DISP3: variants seen among roughly 807,000 people sequenced by gnomAD.
DISP3 encodes the protein protein dispatched homolog 3.
Under a neutral mutation model 135.3 loss-of-function variants are expected in DISP3, and 101 were observed. The ratio of observed to expected loss-of-function variants is 0.75; its 90% confidence interval spans 0.64 to 0.88. The LOEUF (loss-of-function observed/expected upper bound fraction) is 0.88, where lower values mean the gene tolerates loss of function less well. Among genes scored for constraint, DISP3 ranks in the 40% least tolerant of loss-of-function variants. The pLI is 0.00. For synonymous variants in DISP3, 856 were observed against 817.0 expected (o/e 1.05, Z -0.81); for missense variants, 1,713 against 1,878.6 (o/e 0.91, Z 1.63).
At chr1:11,493,818 G>T (rs1641255243) in intron 1 of DISP3, among the ~76,000 whole-genome samples, 1 of 152,162 alleles carries the variant, frequency 6.6e-6, no homozygotes, top group Non-Finnish European at 1.5e-5. Flanking sequence ...CCATAGTCCA[G>T]TCAAGTTGAC....
At chr1:11,534,625 A>T in intron 18 of DISP3, 85 bp downstream of exon 18, 1 of 1,483,204 alleles carries the variant, frequency 6.7e-7, no homozygotes, top group East Asian at 2.4e-5. Context: ...GGCCTGAGTC[A>T]CAATCTCCAT....
At position 11,531,368 on chromosome 1, in the gene DISP3, G is replaced by C. The variant is rs1642572792; in HGVS notation, c.3230-197G>C. On this transcript the variant is annotated intron_variant, in intron 16 of 20. Coordinates refer to ENST00000294484, the MANE Select transcript of DISP3 (RefSeq NM_020780.2). The surrounding 1 kb of genome is among the most constrained non-coding windows in gnomAD (Gnocchi z 5.2). ...GCCAATGTGGATGAGGTCACCACCG[G>C]GGTGTCCCTGGGAGGGGCCCACAGG... Among the ~76,000 whole-genome samples the C allele has an allele frequency of 2.0e-5, 3 of 152,146 alleles. No homozygotes were observed. In the South Asian group the frequency reaches 6.2e-4, roughly 31 times the overall value.
rs1434535604 is a variant in DISP3, at chr1:11,520,399, G to A, written c.2201-288G>A. Among the ~76,000 whole-genome samples, 2 of 152,136 alleles carry A rather than the reference G, an allele frequency of 1.3e-5. No homozygotes were observed. The highest frequency in any genetic ancestry group is 2.1e-4 in the South Asian group (1 of 4,830). On this transcript the variant is annotated intron_variant, in intron 9 of 20. Coordinates refer to ENST00000294484, the MANE Select transcript of DISP3 (RefSeq NM_020780.2). This position sits in a 1 kb window ranked among gnomAD's most constrained non-coding sequence, Gnocchi z 4.8. ...GTGAGATCAAGTAGTGCACCAGCTC[G>A]TCATAAACTATGAGGTGCTCTGAGG...
At position 11,524,051 on chromosome 1, in the gene DISP3, G is replaced by A. The variant is rs759475446; in HGVS notation, c.2472G>A (p.Leu824=). The A allele has an allele frequency of 6.2e-7, 1 of 1,606,446 alleles. No homozygotes were observed. The highest frequency in any genetic ancestry group is 1.1e-5 in the South Asian group (1 of 90,862). ...VPWASRPEAT[L]QDFPGTVYIS... is the part of the protein sequence containing the mutation. ...GGGCTAGCCGGCCTGAGGCCACCCT[G>A]CAGGGTGAGCACTGGGGGTGGAGGG... The change falls in exon 11 of 21, where the codon CTG becomes CTA. Residue 824 remains leucine (L), a synonymous_variant. Transcript: ENST00000294484.
rs374195192 is a variant in DISP3, at chr1:11,492,038, C to T, written c.-3-8952C>T. Among the ~76,000 whole-genome samples, 15 of 139,608 alleles carry T rather than the reference C, an allele frequency of 1.1e-4. No individual in the cohort carries two copies. In the East Asian group the frequency reaches 2.1e-3, roughly 19 times the overall value. 91.6% of individuals were successfully genotyped at this position (139,608 alleles called of 152,430 possible). A position where few individuals can be genotyped will look rare whatever the true frequency, so the allele number is the denominator to read the frequency against. On this transcript the variant is annotated intron_variant, in intron 1 of 20. Transcript: ENST00000294484. The stretch of plus-strand genomic sequence containing the variant: ...TTGGGAGGCTGAGGCAGGAGAATGG[C>T]GTGAACCCGGGAGGCGGAGCTTGCA...
chr1:11,535,476 A>T lies in DISP3; in HGVS notation c.3650-2A>T, dbSNP rs775438393. ...GCTGCCCCCCCTGCTGTCTCCTTGCAGGCATCGTGTGCCTGGTGGTGACCA... is the reference window on the plus strand; with the variant it reads ...GCTGCCCCCCCTGCTGTCTCCTTGCTGGCATCGTGTGCCTGGTGGTGACCA... On this transcript the variant is annotated splice_acceptor_variant, in intron 19 of 20. Transcript: ENST00000294484. LOFTEE classifies it high-confidence loss of function. The T allele has an allele frequency of 5.0e-6, 8 of 1,603,100 alleles. No individual in the cohort carries two copies. In the African/African-American group the frequency reaches 1.1e-4, roughly 21 times the overall value.
At chr1:11,496,351 T>A (rs907680237) in intron 1 of DISP3, among the ~76,000 whole-genome samples, 4 of 152,090 alleles carry the variant, frequency 2.6e-5, no homozygotes, top group Admixed American at 6.5e-5. Context: ...TACCTCTGAG[T>A]GTGCCTGTAT....
intron 1 of DISP3, among the ~76,000 whole-genome samples, chr1:11,496,223 T>C (rs1322254081): frequency 6.6e-6 from 1 of 152,138 alleles, no homozygotes; most frequent in Non-Finnish European, 1.5e-5. Flanking sequence ...CCCTAGGGCC[T>C]GTTCTCTTTT....
At position 11,488,001 on chromosome 1, in the gene DISP3, G is replaced by C. The variant is rs541137001; in HGVS notation, c.-4+8629G>C. On this transcript the variant is annotated intron_variant, in intron 1 of 20. Transcript: ENST00000294484. ...CCCGTTATCATGGAATAACTGGTGC[G>C]TGGGGAGGGGCGTTCCCATTAAACT... 2.0e-5 allele frequency among the ~76,000 whole-genome samples: 3 copies of C among 152,314 alleles called. No individual in the cohort carries two copies. In the South Asian group the frequency reaches 6.2e-4, roughly 32 times the overall value.
intron 7 of DISP3, among the ~76,000 whole-genome samples, chr1:11,518,440 G>A (rs1353108605): frequency 6.6e-6 from 1 of 152,218 alleles, no homozygotes; most frequent in Non-Finnish European, 1.5e-5. Flanking sequence ...CCCCGGCGGA[G>A]GCACTGCTCT....
intron 17 of DISP3, among the ~76,000 whole-genome samples, chr1:11,532,250 T>G (rs1306578465): frequency 6.6e-6 from 1 of 152,204 alleles, no homozygotes; most frequent in African/African-American, 2.4e-5. Context: ...CTCTCGGCCC[T>G]GGCACATGGC....
intron 1 of DISP3, among the ~76,000 whole-genome samples, chr1:11,488,103 G>T (rs1206199892): frequency 6.6e-6 from 1 of 152,164 alleles, no homozygotes; most frequent in Admixed American, 6.5e-5. Context: ...AGGTAGCTTC[G>T]CTGGGTCTCT....
rs1640827645 is a variant in DISP3, at chr1:11,479,384, G to C, written c.-4+12G>C. The stretch of plus-strand genomic sequence containing the variant: ...TTCGGCCGGCCGAGGTGAGTGCACG[G>C]CCGCGGGGCGCCATCCGGGCTTGGT... On this transcript the variant is annotated intron_variant, in intron 1 of 20. Transcript: ENST00000294484. The C allele has an allele frequency of 6.5e-6, 1 of 153,016 alleles. No individual in the cohort carries two copies. The highest frequency in any genetic ancestry group is 2.4e-5 in the African/African-American group (1 of 41,450). 9.5% of individuals were successfully genotyped at this position (153,016 alleles called of 1,614,324 possible).
chr1:11,492,520 G>A (rs536179764), intron 1 of DISP3, among the ~76,000 whole-genome samples: 10 of 152,136 alleles, frequency 6.6e-5, no homozygotes, highest in South Asian at 4.1e-4. Context: ...GGGGGGCTTG[G>A]ACAGGCTCGC....
Position 11,516,206 on chromosome 1 carries a change from A to G in DISP3, c.1749+45A>G. 6.3e-7 allele frequency: 1 copy of G among 1,592,014 alleles called. No individual in the cohort carries two copies. The highest frequency in any genetic ancestry group is 8.6e-7 in the Non-Finnish European group (1 of 1,165,940). On this transcript the variant is annotated intron_variant, in intron 6 of 20. Transcript: ENST00000294484. The surrounding 1 kb of genome is among the most constrained non-coding windows in gnomAD (Gnocchi z 5.1). ...TCCTGTCCTGGCCTCCCACACGCTC[A>G]TGCATACCTAGCCGCTGGTCTCTGC... is the stretch of plus-strand genomic sequence containing the variant.
In DISP3 at chr1:11,536,670, C is replaced by G. The variant is rs749832040; in HGVS notation, c.4163C>G (p.Ala1388Gly). Residue 1388 changes from alanine (A) to glycine (G), a missense_variant, in exon 21 of 21, where the codon GCA (alanine) becomes GGA (glycine). Transcript: ENST00000294484. This position sits in a 1 kb window ranked among gnomAD's most constrained non-coding sequence, Gnocchi z 4.3. ...AGCGGCTATAAGATTCCCCTGCCCG[C>G]AGGGGCCTCCCTATAGCCCGGGACG... ...LQSGYKIPLPAGASL is the reference protein window; with the variant it reads ...LQSGYKIPLPGGASL 2.7e-5 allele frequency: 43 copies of G among 1,575,626 alleles called. No individual in the cohort carries two copies. Among genetic ancestry groups the G allele is most frequent in the Admixed American group, 7.3e-5 (4 of 54,872 alleles).
chr1:11,519,647 TC>T lies in DISP3; in HGVS notation c.2039-69del. 6.3e-7 allele frequency: 1 copy of T among 1,577,132 alleles called. No individual in the cohort carries two copies. The highest frequency in any genetic ancestry group is 8.6e-7 in the Non-Finnish European group (1 of 1,160,192). The stretch of plus-strand genomic sequence containing the variant: ...GGCTTCCTCACCAGGCATCTGGGCT[TC>T]CCTGGAAGCGAGCGTGGACCACAGT... On this transcript the variant is annotated intron_variant, in intron 8 of 20. Coordinates refer to ENST00000294484, the MANE Select transcript of DISP3 (RefSeq NM_020780.2). This position sits in a 1 kb window ranked among gnomAD's most constrained non-coding sequence, Gnocchi z 4.3.
chr1:11,531,394 T>C lies in DISP3; in HGVS notation c.3230-171T>C, dbSNP rs1642573313. Among the ~76,000 whole-genome samples the C allele has an allele frequency of 6.6e-6, 1 of 152,052 alleles. No homozygotes were observed. The highest frequency in any genetic ancestry group is 2.4e-5 in the African/African-American group (1 of 41,392). On this transcript the variant is annotated intron_variant, in intron 16 of 20. Transcript: ENST00000294484. The surrounding 1 kb of genome is among the most constrained non-coding windows in gnomAD (Gnocchi z 5.2). ...GGTGTCCCTGGGAGGGGCCCACAGG[T>C]CATGTTCCACCCCGATGGCAAATGC... is the stretch of plus-strand genomic sequence containing the variant.
Position 11,516,857 on chromosome 1 carries a change from T to G in DISP3, c.1750-606T>G, listed in dbSNP as rs368077536. On this transcript the variant is annotated intron_variant, in intron 6 of 20. Transcript: ENST00000294484. This position sits in a 1 kb window ranked among gnomAD's most constrained non-coding sequence, Gnocchi z 5.1. ...TGGGTTCAGCTTCTGCAGTGTGACC[T>G]TGGGCAGGCTGTGTGACCTCTCTGA... is the stretch of plus-strand genomic sequence containing the variant. 8.5e-5 allele frequency among the ~76,000 whole-genome samples: 13 copies of G among 152,320 alleles called. No homozygotes were observed. The South Asian group carries it at 2.5e-3, about 29-fold the overall frequency.
Sources: allele counts gnomAD v4.1 joint callset (sites outside exome capture counted in the v4.1 genomes callset), GRCh38; gene constraint gnomAD v4.1.1; non-coding constraint Gnocchi (gnomAD v3.1); transcripts MANE v1.5; gene names NCBI Gene and HGNC (gene_info 2026-07-23, HGNC 2026-07-21).